Variants in PACRG observed in about 807,000 individuals in gnomAD.
The protein encoded by PACRG is parkin coregulated.
In PACRG, 29 loss-of-function variants were observed where a neutral mutation model predicts 29.7. That is an observed-to-expected ratio of 0.98 (90% CI 0.73 to 1.33). PACRG has a LOEUF of 1.33. PACRG is among the 40% of genes most tolerant of loss of function. The pLI is 0.00. For synonymous variants in PACRG, 116 were observed against 118.7 expected (o/e 0.98, Z 0.15); for missense variants, 279 against 316.2 (o/e 0.88, Z 0.89).
chr6:162,849,172 G>A (rs148591881), intron 2 of PACRG, among the ~76,000 whole-genome samples: 35 of 152,202 alleles, frequency 2.3e-4, no homozygotes, highest in African/African-American at 6.5e-4. Context: ...GTACATTGGC[G>A]TGCAAAAAGA....
intron 1 of PACRG, among the ~76,000 whole-genome samples, chr6:162,795,268 G>T (rs538577844): frequency 6.6e-6 from 1 of 152,050 alleles, no homozygotes; most frequent in East Asian, 1.9e-4. Context: ...TGTGCTGGCC[G>T]CTGTATGACT....
intron 1 of PACRG, among the ~76,000 whole-genome samples, chr6:162,779,188 G>A (rs185274384): frequency 1.6e-4 from 24 of 152,242 alleles, no homozygotes; most frequent in African/African-American, 3.1e-4. Flanking sequence ...AGCTCCATCC[G>A]TTTCCCTGCA....
chr6:163,006,404 A>T (rs1310742465), intron 2 of PACRG, among the ~76,000 whole-genome samples: 1 of 151,428 alleles, frequency 6.6e-6, no homozygotes, highest in Non-Finnish European at 1.5e-5. Flanking sequence ...TGTGGGTTAT[A>T]GTGTTCTATA....
chr6:162,738,689 T>G (rs1240891049), intron 1 of PACRG, among the ~76,000 whole-genome samples: 2 of 152,196 alleles, frequency 1.3e-5, no homozygotes, highest in Non-Finnish European at 2.9e-5. Context: ...ATGTAATATT[T>G]TAACTGTGGT....
chr6:162,970,930 G>T (rs1801478564), intron 2 of PACRG, among the ~76,000 whole-genome samples: 1 of 152,150 alleles, frequency 6.6e-6, no homozygotes, highest in Non-Finnish European at 1.5e-5. Context: ...AGTGGCCATG[G>T]GTTGTGTAAA....
At chr6:162,857,618 T>C (rs1478685856) in intron 2 of PACRG, among the ~76,000 whole-genome samples, 1 of 152,212 alleles carries the variant, frequency 6.6e-6, no homozygotes, top group African/African-American at 2.4e-5. Context: ...CATTCATGCA[T>C]GAAGTAACTT....
At position 162,947,629 on chromosome 6, in the gene PACRG, T is replaced by TATATAATC. The variant is rs1799323793; in HGVS notation, c.292-114516_292-114515insATCATATA. Among the ~76,000 whole-genome samples the TATATAATC allele has an allele frequency of 7.4e-5, 5 of 67,762 alleles. No homozygotes were observed. The South Asian group carries it at 2.8e-3, about 38-fold the overall frequency. 44.5% of individuals were successfully genotyped at this position (67,762 alleles called of 152,430 possible). A position where few individuals can be genotyped will look rare whatever the true frequency, so the allele number is the denominator to read the frequency against. ...ATATAATCATATATATATATATATA[T>TATATAATC]ATATATATATATATATATACACCCA... is the stretch of plus-strand genomic sequence containing the variant. On this transcript the variant is annotated intron_variant, in intron 2 of 4. Coordinates refer to ENST00000366888, the MANE Select transcript of PACRG (RefSeq NM_001080379.2).
At chr6:163,136,937 G>A (rs1816960270) in intron 4 of PACRG, among the ~76,000 whole-genome samples, 1 of 152,318 alleles carries the variant, frequency 6.6e-6, no homozygotes, top group African/African-American at 2.4e-5. Flanking sequence ...GGTTCTAGTA[G>A]ATTCCTCAAA....
intron 1 of PACRG, among the ~76,000 whole-genome samples, chr6:162,747,146 T>C (rs1388695627): frequency 6.6e-6 from 1 of 151,040 alleles, no homozygotes; most frequent in African/African-American, 2.4e-5. Context: ...TTAACCTGAG[T>C]GGCACGGGTT....
chr6:162,780,423 A>G (rs962255237), intron 1 of PACRG, among the ~76,000 whole-genome samples: 1 of 152,218 alleles, frequency 6.6e-6, no homozygotes, highest in Non-Finnish European at 1.5e-5. Flanking sequence ...ATAGCTATAA[A>G]TTAACCATGA....
At position 162,787,576 on chromosome 6, in the gene PACRG, G is replaced by GTATC. The variant is rs1421392024; in HGVS notation, c.157-26570_157-26569insATCT. ...ATGGTTATTGTGTGTGTGTGTGTGTGTGTGTGTATATATATATATATATAT... is the reference window on the plus strand; with the variant it reads ...ATGGTTATTGTGTGTGTGTGTGTGTGTATCTGTGTGTATATATATATATATATAT... On this transcript the variant is annotated intron_variant, in intron 1 of 4. Transcript: ENST00000366888. Among the ~76,000 whole-genome samples, 85 of 59,516 alleles carry GTATC rather than the reference G, an allele frequency of 1.4e-3. 2 individuals are homozygous for GTATC. Among genetic ancestry groups the GTATC allele is most frequent in the African/African-American group, 4.7e-3 (71 of 15,120 alleles). The allele number at this position is 59,516 out of a possible 152,430, so 39.0% of individuals were successfully genotyped here.
chr6:163,070,643 T>C (rs1469690800), intron 3 of PACRG, among the ~76,000 whole-genome samples: 1 of 151,580 alleles, frequency 6.6e-6, no homozygotes, highest in Non-Finnish European at 1.5e-5. Context: ...AAAGAAGGAA[T>C]AGAAGATCAC....
chr6:163,277,878 C>G (rs1174787827), intron 4 of PACRG, among the ~76,000 whole-genome samples: 1 of 152,026 alleles, frequency 6.6e-6, no homozygotes, highest in Non-Finnish European at 1.5e-5. Flanking sequence ...GATCAAACCA[C>G]AGATCTACTT....
chr6:163,300,470 G>A (rs754019676), intron 4 of PACRG, among the ~76,000 whole-genome samples: 1 of 152,190 alleles, frequency 6.6e-6, no homozygotes, highest in Non-Finnish European at 1.5e-5. Flanking sequence ...GAGTCTCCTC[G>A]AAGCCTCCGC....
intron 4 of PACRG, among the ~76,000 whole-genome samples, chr6:163,107,550 A>G (rs1228433613): frequency 6.6e-6 from 1 of 152,202 alleles, no homozygotes; most frequent in Non-Finnish European, 1.5e-5. Flanking sequence ...CAACAGCTTA[A>G]CTAATACAAT....
intron 2 of PACRG, among the ~76,000 whole-genome samples, chr6:162,869,776 A>G (rs1413114015): frequency 6.6e-6 from 1 of 152,240 alleles, no homozygotes; most frequent in Non-Finnish European, 1.5e-5. Flanking sequence ...TTACAATTTC[A>G]GCAAAGAATA....
chr6:162,829,220 T>C (rs1788535638), intron 2 of PACRG, among the ~76,000 whole-genome samples: 1 of 152,326 alleles, frequency 6.6e-6, no homozygotes, highest in Admixed American at 6.5e-5. Flanking sequence ...CTAGATTGTC[T>C]TTAGAGAGGG....
intron 3 of PACRG, among the ~76,000 whole-genome samples, chr6:163,086,846 G>GT (rs1393429031): frequency 6.6e-6 from 1 of 152,078 alleles, no homozygotes; most frequent in Non-Finnish European, 1.5e-5. Context: ...TCATTTAGTG[G>GT]TTTTGCAGCT....
intron 2 of PACRG, among the ~76,000 whole-genome samples, chr6:163,012,606 C>G (rs1805715102): frequency 6.6e-6 from 1 of 152,226 alleles, no homozygotes; most frequent in East Asian, 1.9e-4. Context: ...TGGGCAGAGC[C>G]CAGCTCCAGT....
Sources: allele counts gnomAD v4.1 joint callset (sites outside exome capture counted in the v4.1 genomes callset), GRCh38; gene constraint gnomAD v4.1.1; transcripts MANE v1.5; gene names NCBI Gene and HGNC (gene_info 2026-07-23, HGNC 2026-07-21).